The following ACADL variants were observed in gnomAD, a reference collection of about 807,000 sequenced individuals.
ACADL encodes long-chain specific acyl-CoA dehydrogenase, mitochondrial.
A neutral mutation model predicts 56.9 loss-of-function variants in ACADL; 60 were observed. The observed-to-expected ratio is 1.05, with a 90% CI of 0.86 to 1.31. ACADL has a LOEUF of 1.31. ACADL is among the 50% of genes most tolerant of loss of function. The pLI is 0.00. For synonymous variants in ACADL, 158 were observed against 179.7 expected (o/e 0.88, Z 0.97); for missense variants, 484 against 525.5 (o/e 0.92, Z 0.77).
chr2:210,225,015 A>C (rs1689245394), intron 1 of ACADL, 172 bp downstream of exon 1: 1 of 985,078 alleles, frequency 1.0e-6, no homozygotes, highest in African/African-American at 1.7e-5. Context: ...TGCTGGTTGC[A>C]CCCAGTCCGC....
At chr2:210,204,843 G>A (rs1688858000) in intron 6 of ACADL, among the ~76,000 whole-genome samples, 161 bp from the exon 7 acceptor site, 1 of 152,110 alleles carries the variant, frequency 6.6e-6, no homozygotes, top group Non-Finnish European at 1.5e-5. Flanking sequence ...GTAAACCAGG[G>A]ATTTGAACCC....
Position 210,225,347 on chromosome 2 carries a change from C to T in ACADL, c.-84G>A. Reference sequence around the variant, plus strand: ...GGGGCAGGGTCCCCGGGAGGGAGGACGATCAGCTGAGGCGTCCACCTGTGG... The same window carrying T: ...GGGGCAGGGTCCCCGGGAGGGAGGATGATCAGCTGAGGCGTCCACCTGTGG... On this transcript the variant is annotated 5_prime_UTR_variant, in exon 1 of 11. Transcript: ENST00000233710. 1.4e-6 allele frequency: 2 copies of T among 1,448,722 alleles called. No individual in the cohort carries two copies. Among genetic ancestry groups the T allele is most frequent in the South Asian group, 1.2e-5 (1 of 80,590 alleles). 89.7% of individuals were successfully genotyped at this position (1,448,722 alleles called of 1,614,324 possible).
chr2:210,214,000 G>A (rs934369429), intron 4 of ACADL, among the ~76,000 whole-genome samples: 1 of 148,986 alleles, frequency 6.7e-6, no homozygotes, highest in African/African-American at 2.5e-5. Context: ...GGGAAATATA[G>A]CGAGACCCCA....
At chr2:210,193,890 T>A (rs1688672261) in intron 9 of ACADL, among the ~76,000 whole-genome samples, 1 of 152,150 alleles carries the variant, frequency 6.6e-6, no homozygotes, top group Non-Finnish European at 1.5e-5. Context: ...AGATACTTCT[T>A]TTTATTTAAA....
intron 8 of ACADL, among the ~76,000 whole-genome samples, chr2:210,201,916 G>A (rs1688799000): frequency 6.6e-6 from 1 of 152,072 alleles, no homozygotes; most frequent in East Asian, 1.9e-4. Flanking sequence ...CTCTATGTTT[G>A]TACCTGGGAA....
intron 7 of ACADL, among the ~76,000 whole-genome samples, chr2:210,203,800 C>T (rs777951081): frequency 2.6e-5 from 4 of 152,102 alleles, no homozygotes; most frequent in African/African-American, 4.8e-5. Context: ...CTCAGCCTTC[C>T]GAGTAGCTGG....
Position 210,218,052 on chromosome 2 carries a change from T to C in ACADL, c.284A>G (p.Lys95Arg). The change falls in exon 3 of 11, where the codon AAA (lysine) becomes AGA (arginine). Residue 95 changes from lysine (K) to arginine (R), a missense_variant. By Grantham distance (26) the Lys-to-Arg change is conservative (BLOSUM62 2). Coordinates refer to ENST00000233710, the MANE Select transcript of ACADL (RefSeq NM_001608.4). ...AATATTGACACCAAGCAGTCCTTGT[T>C]TTCCAGCTTTTTCCCAAACCTCCCT... The part of the protein sequence containing the change: ...VSREVWEKAG[K>R]QGLLGVNIAE... 6.2e-7 allele frequency: 1 copy of C among 1,614,006 alleles called. No homozygotes were observed. The highest frequency in any genetic ancestry group is 1.7e-5 in the Admixed American group (1 of 59,974).
chr2:210,190,820 C>T (rs533450378), intron 10 of ACADL, among the ~76,000 whole-genome samples: 1 of 152,096 alleles, frequency 6.6e-6, no homozygotes, highest in Non-Finnish European at 1.5e-5. Flanking sequence ...ATAAGAAACA[C>T]AATTAGAAGA....
chr2:210,204,785 C>A (rs1401442922), intron 6 of ACADL, 103 bp from the exon 7 acceptor site: 1 of 1,001,922 alleles, frequency 1.0e-6, no homozygotes, highest in Non-Finnish European at 1.5e-6. Flanking sequence ...AAACAAAACA[C>A]AAATTGGAAG....
intron 6 of ACADL, among the ~76,000 whole-genome samples, chr2:210,205,011 T>A (rs554974123): frequency 6.7e-4 from 102 of 152,194 alleles, no homozygotes; most frequent in African/African-American, 2.4e-3. Context: ...GAACATTTTC[T>A]GGGTTTTTTT....
chr2:210,215,281 C>T (rs1689067184), intron 4 of ACADL, among the ~76,000 whole-genome samples: 1 of 151,996 alleles, frequency 6.6e-6, no homozygotes, highest in Admixed American at 6.6e-5. Context: ...CAACAACCAC[C>T]TCACTCCCAT....
At chr2:210,216,595 T>C in intron 3 of ACADL, 84 bp from the exon 4 acceptor site, 1 of 1,323,680 alleles carries the variant, frequency 7.6e-7, no homozygotes, top group Non-Finnish European at 1.1e-6. Flanking sequence ...TAAGGTCCTA[T>C]CAAATTGTTT....
chr2:210,188,739 TA>T lies in ACADL; in HGVS notation c.*221del. On this transcript the variant is annotated 3_prime_UTR_variant, in exon 11 of 11. Coordinates refer to ENST00000233710, the MANE Select transcript of ACADL (RefSeq NM_001608.4). ...AGAAAACCGTTTACCTTTGGCTACA[TA>T]AAAAACTGTAAGTTAAACCTTATAT... The T allele has an allele frequency of 2.2e-6, 1 of 460,768 alleles. No homozygotes were observed. Among genetic ancestry groups the T allele is most frequent in the Non-Finnish European group, 3.9e-6 (1 of 256,126 alleles). 28.5% of individuals were successfully genotyped at this position (460,768 alleles called of 1,614,324 possible).
In ACADL at chr2:210,225,182, C is replaced by G; in HGVS notation, c.77+5G>C. The G allele has an allele frequency of 3.3e-6, 5 of 1,531,600 alleles. No individual in the cohort carries two copies. The highest frequency in any genetic ancestry group is 4.4e-6 in the Non-Finnish European group (5 of 1,144,748). 94.9% of individuals were successfully genotyped at this position (1,531,600 alleles called of 1,614,324 possible). A position where few individuals can be genotyped will look rare whatever the true frequency, so the allele number is the denominator to read the frequency against. ...GCAGCCGCGGAAGTCCCGGCTGGCA[C>G]TCACCGCGCGGCGGGCAGCTGGCGC... On this transcript the variant is annotated splice_donor_5th_base_variant and intron_variant, in intron 1 of 10. Transcript: ENST00000233710.
intron 7 of ACADL, 46 bp from the exon 8 acceptor site, chr2:210,203,490 G>A: frequency 8.3e-7 from 1 of 1,207,612 alleles, no homozygotes; most frequent in Non-Finnish European, 1.2e-6. Flanking sequence ...AATTATGCAA[G>A]TGATTTTCAC....
At position 210,210,220 on chromosome 2, in the gene ACADL, A is replaced by G; in HGVS notation, c.579T>C (p.Ser193=). Reference sequence around the variant, plus strand: ...CCTTGCTTCCATTGAGAATCCAGTCACTTCCATCCTTTTTAGCATTTGTTT... The same window carrying G: ...CCTTGCTTCCATTGAGAATCCAGTCGCTTCCATCCTTTTTAGCATTTGTTT... ...GIKTNAKKDG[S]DWILNGSKVF... is the part of the protein sequence containing the mutation. Residue 193 remains serine (S), a synonymous_variant, in exon 5 of 11, where the codon AGT becomes AGC. Coordinates refer to ENST00000233710, the MANE Select transcript of ACADL (RefSeq NM_001608.4). The G allele has an allele frequency of 6.2e-7, 1 of 1,612,978 alleles. No homozygotes were observed. Among genetic ancestry groups the G allele is most frequent in the African/African-American group, 1.3e-5 (1 of 75,028 alleles).
At chr2:210,190,676 C>G (rs1430665541) in intron 10 of ACADL, among the ~76,000 whole-genome samples, 1 of 151,832 alleles carries the variant, frequency 6.6e-6, no homozygotes, top group Non-Finnish European at 1.5e-5. Flanking sequence ...TAAATAAACC[C>G]ACATGCTGAA....
chr2:210,205,725 G>A lies in ACADL; in HGVS notation c.675C>T (p.Ser225=), dbSNP rs764161139. The A allele has an allele frequency of 1.2e-6, 2 of 1,613,916 alleles. No homozygotes were observed. The highest frequency in any genetic ancestry group is 1.7e-6 in the Non-Finnish European group (2 of 1,179,940). ...VVAVTNHEAP[S]PAHGISLFLV... ...GAAAAAGGCTAATACCATGGGCAGGGGAGGGAGCTTCATGATTTGTGACCG... is the reference window on the plus strand; with the variant it reads ...GAAAAAGGCTAATACCATGGGCAGGAGAGGGAGCTTCATGATTTGTGACCG... The change falls in exon 6 of 11, where the codon TCC becomes TCT. Residue 225 remains serine (S), a synonymous_variant. Transcript: ENST00000233710.
At chr2:210,189,926 T>C (rs1688605068) in intron 10 of ACADL, among the ~76,000 whole-genome samples, 1 of 152,196 alleles carries the variant, frequency 6.6e-6, no homozygotes, top group Non-Finnish European at 1.5e-5. Context: ...TTCTGCCTCT[T>C]TTTCAAATAT....
Sources: gnomAD v4.1 joint callset for allele counts (sites outside exome capture counted in the v4.1 genomes callset) on GRCh38, gnomAD v4.1.1 for gene constraint, MANE v1.5 for transcripts, NCBI Gene and HGNC (gene_info 2026-07-23, HGNC 2026-07-21) for gene names.